MFHAS1: variants seen among roughly 807,000 people sequenced by gnomAD.
MFHAS1 encodes the protein malignant fibrous histiocytoma-amplified sequence 1.
In MFHAS1, 50 loss-of-function variants were observed where a neutral mutation model predicts 70.4. That is an observed-to-expected ratio of 0.71 (90% CI 0.57 to 0.90). The LOEUF (loss-of-function observed/expected upper bound fraction) is 0.90. MFHAS1 is among the 40% of genes least tolerant of loss of function. The probability of loss-of-function intolerance (pLI) is 0.00; values close to 1 mark genes in which losing one functional copy is unlikely to be tolerated. For synonymous variants in MFHAS1, 952 were observed against 620.0 expected (o/e 1.54, Z -7.96); for missense variants, 1,795 against 1,347.6 (o/e 1.33, Z -5.20).
chr8:8,847,342 C>A (rs1808074361), intron 1 of MFHAS1, among the ~76,000 whole-genome samples: 1 of 152,102 alleles, frequency 6.6e-6, no homozygotes, highest in African/African-American at 2.4e-5. Context: ...CCACCGCACC[C>A]AGCTAATTTT....
At chr8:8,812,784 T>G (rs541654541) in intron 1 of MFHAS1, among the ~76,000 whole-genome samples, 1 of 139,662 alleles carries the variant, frequency 7.2e-6, no homozygotes, top group African/African-American at 2.8e-5. Context: ...TTTTGCCTTT[T>G]TGATATAGAG....
chr8:8,867,779 G>A (rs549084452), intron 1 of MFHAS1, among the ~76,000 whole-genome samples: 2 of 151,900 alleles, frequency 1.3e-5, no homozygotes, highest in Admixed American at 6.6e-5. Context: ...GGATTGTCTC[G>A]ATCTCCTGAC....
chr8:8,892,484 T>A lies in MFHAS1; in HGVS notation c.575A>T (p.Gln192Leu). ...RLRTLDVDHN[Q>L]LTAFPRQLLQ... ...CAGCTGCCGGGGGAAGGCAGTGAGC[T>A]GGTTGTGATCCACGTCCAGGGTGCG... is the stretch of plus-strand genomic sequence containing the variant. The change falls in exon 1 of 3, where the codon CAG becomes CTG. Residue 192 changes from glutamine to leucine, a missense_variant. Physicochemically the swap from Gln to Leu is moderately radical, Grantham distance 113 (BLOSUM62 -2). Coordinates refer to ENST00000276282, the MANE Select transcript of MFHAS1 (RefSeq NM_004225.3). This position sits in a 1 kb window ranked among gnomAD's most constrained non-coding sequence, Gnocchi z 4.7. 6.2e-7 allele frequency: 1 copy of A among 1,606,826 alleles called. No homozygotes were observed. The highest frequency in any genetic ancestry group is 8.5e-7 in the Non-Finnish European group (1 of 1,176,774).
intron 1 of MFHAS1, among the ~76,000 whole-genome samples, chr8:8,874,227 T>A (rs1416633663): frequency 6.6e-6 from 1 of 152,030 alleles, no homozygotes; most frequent in East Asian, 1.9e-4. Flanking sequence ...GTACTTAGTT[T>A]AACAATCTGG....
At chr8:8,821,811 TTTAGTCACCGTAGGAGCA>T (rs2117303847) in intron 1 of MFHAS1, 1 of 152,310 alleles carries the variant, frequency 6.6e-6, no homozygotes, top group Admixed American at 6.5e-5. Flanking sequence ...GACAGCTGGG[TTTAGTCACCGTAGGAGCA>T]TGTGGACATC....
chr8:8,802,674 C>G (rs1284370128), intron 1 of MFHAS1, among the ~76,000 whole-genome samples: 1 of 152,156 alleles, frequency 6.6e-6, no homozygotes, highest in Non-Finnish European at 1.5e-5. Context: ...GGCTGGACTG[C>G]CCTAGGCCAG....
intron 1 of MFHAS1, among the ~76,000 whole-genome samples, chr8:8,810,840 T>G (rs1806518214): frequency 6.6e-6 from 1 of 152,138 alleles, no homozygotes; most frequent in African/African-American, 2.4e-5. Flanking sequence ...TCTTGTCTCC[T>G]AACATTTCTG....
At chr8:8,872,556 AT>A (rs1809118112) in intron 1 of MFHAS1, among the ~76,000 whole-genome samples, 1 of 152,124 alleles carries the variant, frequency 6.6e-6, no homozygotes, top group Non-Finnish European at 1.5e-5. Flanking sequence ...CATCCCTGCT[AT>A]TTGGGTAAGC....
intron 2 of MFHAS1, among the ~76,000 whole-genome samples, chr8:8,792,286 A>G (rs1805744773): frequency 7.9e-6 from 1 of 127,032 alleles, no homozygotes; most frequent in South Asian, 2.3e-4. Context: ...AGCCTGCAAA[A>G]CCATTCCTGA....
At position 8,892,137 on chromosome 8, in the gene MFHAS1, G is replaced by C. The variant is rs752908806; in HGVS notation, c.922C>G (p.Leu308Val). Reference sequence around the variant, plus strand: ...GAGATAAGGGATGGCACCGAGGTGAGCTGGTTGCGACTAAGGTAGAGCTCC... The same window carrying C: ...GAGATAAGGGATGGCACCGAGGTGACCTGGTTGCGACTAAGGTAGAGCTCC... ...LEELYLSRNQ[L>V]TSVPSLISGL... Residue 308 changes from leucine (L) to valine (V), a missense_variant, in exon 1 of 3, where the codon CTC becomes GTC. Coordinates refer to ENST00000276282, the MANE Select transcript of MFHAS1 (RefSeq NM_004225.3). This position sits in a 1 kb window ranked among gnomAD's most constrained non-coding sequence, Gnocchi z 4.7. The C allele has an allele frequency of 1.2e-6, 2 of 1,612,072 alleles. No individual in the cohort carries two copies. Among genetic ancestry groups the C allele is most frequent in the Non-Finnish European group, 1.7e-6 (2 of 1,180,018 alleles).
intron 1 of MFHAS1, among the ~76,000 whole-genome samples, chr8:8,811,625 T>C (rs1806551135): frequency 6.6e-6 from 1 of 152,178 alleles, no homozygotes; most frequent in Admixed American, 6.5e-5. Flanking sequence ...ACCTGACGCA[T>C]ACTAGCTGAT....
chr8:8,886,364 G>C (rs569087610), intron 1 of MFHAS1, among the ~76,000 whole-genome samples: 1 of 151,942 alleles, frequency 6.6e-6, no homozygotes, highest in African/African-American at 2.4e-5. Flanking sequence ...CACGGAGTCT[G>C]GCTACATTAC....
At chr8:8,885,792 C>T (rs1320735116) in intron 1 of MFHAS1, among the ~76,000 whole-genome samples, 1 of 152,260 alleles carries the variant, frequency 6.6e-6, no homozygotes. Flanking sequence ...TCACTGCAAC[C>T]TCCGCCTCCC....
intron 1 of MFHAS1, among the ~76,000 whole-genome samples, chr8:8,858,738 G>A (rs1345849096): frequency 1.3e-5 from 2 of 152,070 alleles, no homozygotes; most frequent in Non-Finnish European, 2.9e-5. Flanking sequence ...CATATGAGAT[G>A]AGCCAGCCCT....
intron 1 of MFHAS1, among the ~76,000 whole-genome samples, chr8:8,872,730 G>A (rs913814271): frequency 1.3e-5 from 2 of 151,688 alleles, no homozygotes; most frequent in Non-Finnish European, 2.9e-5. Flanking sequence ...ATTCCTGAAG[G>A]GACTAAATAG....
chr8:8,800,219 G>C (rs994068769), intron 1 of MFHAS1, among the ~76,000 whole-genome samples: 3 of 152,168 alleles, frequency 2.0e-5, no homozygotes, highest in African/African-American at 7.2e-5. Flanking sequence ...AATGTAATTT[G>C]AGTTCCTTAA....
At chr8:8,825,858 T>G (rs1028107652) in intron 1 of MFHAS1, among the ~76,000 whole-genome samples, 1 of 152,216 alleles carries the variant, frequency 6.6e-6, no homozygotes, top group African/African-American at 2.4e-5. Flanking sequence ...AGGAGCTGAC[T>G]CTTAGTTCTC....
intron 2 of MFHAS1, among the ~76,000 whole-genome samples, chr8:8,796,274 C>T (rs551854505): frequency 6.6e-6 from 1 of 152,138 alleles, no homozygotes; most frequent in Admixed American, 6.5e-5. Flanking sequence ...GGACTGACTC[C>T]GCAATCAGAA....
In MFHAS1 at chr8:8,892,907, G is replaced by T; in HGVS notation, c.152C>A (p.Pro51His). The T allele has an allele frequency of 6.4e-7, 1 of 1,567,362 alleles. No homozygotes were observed. The highest frequency in any genetic ancestry group is 2.4e-5 in the East Asian group (1 of 42,218). Residue 51 changes from proline (P) to histidine (H), a missense_variant, in exon 1 of 3, where the codon CCC (proline) becomes CAC (histidine). Physicochemically the swap from Pro to His is moderately conservative, Grantham distance 77. Coordinates refer to ENST00000276282, the MANE Select transcript of MFHAS1 (RefSeq NM_004225.3). This position sits in a 1 kb window ranked among gnomAD's most constrained non-coding sequence, Gnocchi z 4.7. ...PGAGADALESPASPQLVLPAN... is the reference protein window; with the variant it reads ...PGAGADALESHASPQLVLPAN... ...CGGCAGCACGAGCTGGGGGGAGGCGGGGGACTCGAGCGCGTCGGCCCCGGC... is the reference window on the plus strand; with the variant it reads ...CGGCAGCACGAGCTGGGGGGAGGCGTGGGACTCGAGCGCGTCGGCCCCGGC...
Sources: allele counts gnomAD v4.1 joint callset (sites outside exome capture counted in the v4.1 genomes callset), GRCh38; gene constraint gnomAD v4.1.1; non-coding constraint Gnocchi (gnomAD v3.1); transcripts MANE v1.5; gene names NCBI Gene and HGNC (gene_info 2026-07-23, HGNC 2026-07-21).